NELL2: variants seen among roughly 807,000 people sequenced by gnomAD.
NELL2 encodes the protein neural EGFL like 2.
A neutral mutation model predicts 109.6 loss-of-function variants in NELL2; 41 were observed. The observed-to-expected ratio is 0.37, with a 90% CI of 0.29 to 0.49. The LOEUF (loss-of-function observed/expected upper bound fraction) is 0.49. Among genes scored for constraint, NELL2 ranks in the 20% least tolerant of loss-of-function variants. The probability of loss-of-function intolerance (pLI) is 0.98; values close to 1 mark genes in which losing one functional copy is unlikely to be tolerated. For missense variants in NELL2, 900 were observed against 1,008.3 expected (o/e 0.89, Z 1.45); for synonymous variants, 355 against 344.7 (o/e 1.03, Z -0.33).
intron 12 of NELL2, among the ~76,000 whole-genome samples, chr12:44,673,871 T>C (rs1426164752): frequency 6.6e-6 from 1 of 152,160 alleles, no homozygotes; most frequent in Admixed American, 6.5e-5. Flanking sequence ...TTACTATAGT[T>C]CTTCCTAGTT....
chr12:44,878,282 T>C (rs1945371816), upstream of NELL2, among the ~76,000 whole-genome samples: 1 of 152,206 alleles, frequency 6.6e-6, no homozygotes, highest in African/African-American at 2.4e-5. Context: ...TTGAACCTGC[T>C]ACTGTAATTA....
chr12:44,858,645 A>G (rs1944749836), intron 2 of NELL2, among the ~76,000 whole-genome samples: 1 of 152,226 alleles, frequency 6.6e-6, no homozygotes, highest in South Asian at 2.1e-4. Context: ...AGTCACCACA[A>G]CAACAGTATT....
At chr12:44,691,335 T>C (rs1159428594) in intron 12 of NELL2, among the ~76,000 whole-genome samples, 1 of 152,152 alleles carries the variant, frequency 6.6e-6, no homozygotes, top group African/African-American at 2.4e-5. Flanking sequence ...ATGGTCTTGA[T>C]TTTACTATTC....
intron 9 of NELL2, among the ~76,000 whole-genome samples, chr12:44,771,485 G>C (rs1403053818): frequency 6.6e-6 from 1 of 152,154 alleles, no homozygotes; most frequent in Non-Finnish European, 1.5e-5. Context: ...TACTTATAGA[G>C]CTGTAAAGAT....
chr12:44,810,541 A>G (rs997092661), intron 3 of NELL2, among the ~76,000 whole-genome samples: 13 of 152,140 alleles, frequency 8.5e-5, no homozygotes, highest in African/African-American at 3.1e-4. Flanking sequence ...TTGAAAAAGC[A>G]TATTTTTCAA....
At chr12:44,824,686 TTTATTTATTTATTTTTA>T (rs1401617866) in intron 2 of NELL2, among the ~76,000 whole-genome samples, 2 of 120,052 alleles carry the variant, frequency 1.7e-5, no homozygotes, top group Non-Finnish European at 3.7e-5. Context: ...TATTTATTTA[TTTATTTATTTATTTTTA>T]TTTTATTTAC....
intron 15 of NELL2, among the ~76,000 whole-genome samples, chr12:44,563,555 T>C (rs1943551149): frequency 6.6e-6 from 1 of 152,114 alleles, no homozygotes; most frequent in Non-Finnish European, 1.5e-5. Flanking sequence ...AAAGAGTGAG[T>C]CTAATTAAGT....
At chr12:44,552,130 TA>T (rs1459599081) in intron 15 of NELL2, among the ~76,000 whole-genome samples, 1 of 152,198 alleles carries the variant, frequency 6.6e-6, no homozygotes, top group African/African-American at 2.4e-5. Flanking sequence ...AGGCAAATTT[TA>T]AAAAGATCAC....
intron 3 of NELL2, among the ~76,000 whole-genome samples, chr12:44,782,877 C>A (rs1215065756): frequency 1.3e-5 from 2 of 151,822 alleles, no homozygotes; most frequent in Non-Finnish European, 2.9e-5. Context: ...TCAAAAATAC[C>A]ATCAACCAAC....
chr12:44,528,097 C>CAAAAAAAAAAAAAAAAAAAAAAAAA (rs71093812), intron 16 of NELL2, among the ~76,000 whole-genome samples: 3 of 22,000 alleles, frequency 1.4e-4, no homozygotes, highest in Non-Finnish European at 2.4e-4. Context: ...GACTCCGTCT[C>CAAAAAAAAAAAAAAAAAAAAAAAAA]AAAAAAAAAA....
chr12:44,564,219 T>C (rs1943574835), intron 15 of NELL2, among the ~76,000 whole-genome samples: 1 of 152,210 alleles, frequency 6.6e-6, no homozygotes, highest in African/African-American at 2.4e-5. Flanking sequence ...GGGAATGCTA[T>C]TAATATATTT....
At chr12:44,603,549 A>G (rs2060896) in intron 15 of NELL2, among the ~76,000 whole-genome samples, 73,863 of 151,948 alleles carry the variant, frequency 0.49, 19,013 homozygotes, top group African/African-American at 0.66. Flanking sequence ...ATTTTATTGA[A>G]TTACCCAAGA....
chr12:44,525,639 C>T (rs1250438832), intron 16 of NELL2, among the ~76,000 whole-genome samples: 2 of 152,118 alleles, frequency 1.3e-5, no homozygotes, highest in Non-Finnish European at 2.9e-5. Context: ...TTTGAAAAAC[C>T]TATCATGGCA....
At chr12:44,886,278 A>G (rs1327962531) in intron 1 of NELL2, among the ~76,000 whole-genome samples, 1 of 151,954 alleles carries the variant, frequency 6.6e-6, no homozygotes, top group East Asian at 1.9e-4. Flanking sequence ...GGTTAGGCAA[A>G]GATTTCTTAA....
At chr12:44,695,773 T>A (rs2136404709) in intron 12 of NELL2, among the ~76,000 whole-genome samples, 1 of 152,208 alleles carries the variant, frequency 6.6e-6, no homozygotes, top group East Asian at 1.9e-4. Context: ...ATGACCAGCC[T>A]AGGCAACACA....
chr12:44,841,544 A>G (rs940567903), intron 2 of NELL2, among the ~76,000 whole-genome samples: 5 of 152,216 alleles, frequency 3.3e-5, no homozygotes, highest in Non-Finnish European at 7.3e-5. Context: ...CTGGCTTTCT[A>G]CCTAGGGACA....
intron 3 of NELL2, among the ~76,000 whole-genome samples, chr12:44,800,493 GAATTTTTAGGAAGAAAGTAATATT>G (rs1942791976): frequency 1.3e-5 from 2 of 152,056 alleles, no homozygotes; most frequent in African/African-American, 4.8e-5. Flanking sequence ...AAAGAACAAA[GAATTTTTAGGAAGAAAGTAATATT>G]CCCAAAATGG....
At chr12:44,673,647 A>G (rs1486534723) in intron 12 of NELL2, among the ~76,000 whole-genome samples, 1 of 152,220 alleles carries the variant, frequency 6.6e-6, no homozygotes, top group Non-Finnish European at 1.5e-5. Context: ...TCCAAAATTT[A>G]TTACAGAGTT....
chr12:44,880,242 G>A (rs556381406), upstream of NELL2, among the ~76,000 whole-genome samples: 1 of 151,732 alleles, frequency 6.6e-6, no homozygotes, highest in African/African-American at 2.4e-5. Context: ...TTAAGTGATT[G>A]GAGATATTTT....
Sources: gnomAD v4.1 joint callset for allele counts (sites outside exome capture counted in the v4.1 genomes callset) on GRCh38, gnomAD v4.1.1 for gene constraint, MANE v1.5 for transcripts, NCBI Gene and HGNC (gene_info 2026-07-23, HGNC 2026-07-21) for gene names.